Variants in ZC3H11A observed in about 807,000 individuals in gnomAD.
ZC3H11A encodes the protein zinc finger CCCH-type containing 11A.
ZC3H11A carries 22 observed loss-of-function variants against 90.8 expected under a neutral mutation model. That is an observed-to-expected ratio of 0.24 (90% CI 0.17 to 0.35). The LOEUF (loss-of-function observed/expected upper bound fraction) is 0.35, where lower values mean the gene tolerates loss of function less well. Among genes scored for constraint, ZC3H11A ranks in the 10% least tolerant of loss-of-function variants. ZC3H11A has a pLI of 1.00. For synonymous variants in ZC3H11A, 294 were observed against 339.8 expected, an observed-to-expected ratio of 0.87 and a Z score of 1.48; for missense variants, 701 against 964.9, an observed-to-expected ratio of 0.73 and a Z score of 3.62.
chr1:203,824,274 T>TA (rs5780199), intron 4 of ZC3H11A, among the ~76,000 whole-genome samples: 92,969 of 139,786 alleles, frequency 0.67, 30,828 homozygotes, highest in Non-Finnish European at 0.71. Flanking sequence ...ATCTCAAAAT[T>TA]AAAAAAAAAA....
intron 2 of ZC3H11A, among the ~76,000 whole-genome samples, chr1:203,806,830 C>CTTTTTTTTTT (rs373591619): frequency 3.4e-5 from 4 of 117,850 alleles, no homozygotes; most frequent in Non-Finnish European, 5.1e-5. Flanking sequence ...CCTCAGGTTC[C>CTTTTTTTTTT]TTTTTTTTTT....
Position 203,824,274 on chromosome 1 carries a change from T to TAA in ZC3H11A, c.175-4010_175-4009dup, listed in dbSNP as rs5780199. On this transcript the variant is annotated intron_variant, in intron 4 of 17. Coordinates refer to ENST00000367210, the MANE Select transcript of ZC3H11A (RefSeq NM_001376342.1). Reference sequence around the variant, plus strand: ...CACAGTAAGACTCCCATCTCAAAATTAAAAAAAAAAAAAAAAGAGGGAAAA... The same window carrying TAA: ...CACAGTAAGACTCCCATCTCAAAATTAAAAAAAAAAAAAAAAAAGAGGGAAAA... 5.6e-3 allele frequency among the ~76,000 whole-genome samples: 784 copies of TAA among 139,974 alleles called. 6 individuals are homozygous for TAA. Among genetic ancestry groups the TAA allele is most frequent in the Middle Eastern group, 0.034 (9 of 264 alleles). The allele number at this position is 139,974 out of a possible 152,430, so 91.8% of individuals were successfully genotyped here.
In ZC3H11A at chr1:203,838,008, G is replaced by T; in HGVS notation, c.917G>T (p.Arg306Met). Residue 306 changes from arginine (R) to methionine (M), a missense_variant, in exon 11 of 18, where the codon AGG becomes ATG. Arg to Met is a moderately conservative substitution (Grantham distance 91). Around this residue, in one of 4 missense-constraint regions of ZC3H11A, gnomAD observed 530 missense variants for 696.2 expected, o/e 0.76. Coordinates refer to ENST00000367210, the MANE Select transcript of ZC3H11A (RefSeq NM_001376342.1). ...CCATTAAAGCGTAGCCTGGCACAGA[G>T]GCTAGGGAAGAAAGTTGAAGCTCCA... The part of the protein sequence containing the change: ...DPPLKRSLAQ[R>M]LGKKVEAPET... 6.2e-7 allele frequency: 1 copy of T among 1,614,204 alleles called. No individual in the cohort carries two copies. The highest frequency in any genetic ancestry group is 1.1e-5 in the South Asian group (1 of 91,088).
chr1:203,816,188 A>G (rs1455239083), intron 2 of ZC3H11A, among the ~76,000 whole-genome samples: 1 of 152,262 alleles, frequency 6.6e-6, no homozygotes, highest in Admixed American at 6.5e-5. Context: ...TAGATGAAAC[A>G]TTCTACTTTA....
rs1361010124 is a variant in ZC3H11A at position 203,853,683 on chromosome 1, G to A, written c.*1284G>A. The A allele has an allele frequency of 2.0e-5, 3 of 152,618 alleles. No individual in the cohort carries two copies. Among genetic ancestry groups the A allele is most frequent in the South Asian group, 2.1e-4 (1 of 4,826 alleles). The allele number at this position is 152,618 out of a possible 1,614,324, so 9.5% of individuals were successfully genotyped here. ...CTCCTAAGGAACTGCTGTTGTAAGCGGCTCATCAAGAGTTGAACTTCACGT... is the reference window on the plus strand; with the variant it reads ...CTCCTAAGGAACTGCTGTTGTAAGCAGCTCATCAAGAGTTGAACTTCACGT... On this transcript the variant is annotated 3_prime_UTR_variant, in exon 18 of 18. Coordinates refer to ENST00000367210, the MANE Select transcript of ZC3H11A (RefSeq NM_001376342.1).
At chr1:203,828,615 T>C (rs1681305307) in intron 5 of ZC3H11A, among the ~76,000 whole-genome samples, 193 bp downstream of exon 5, 1 of 152,242 alleles carries the variant, frequency 6.6e-6, no homozygotes, top group Non-Finnish European at 1.5e-5. Flanking sequence ...TTATATATCT[T>C]GGCATGCCAT....
chr1:203,821,053 C>CT (rs2102865681), intron 4 of ZC3H11A, among the ~76,000 whole-genome samples: 1 of 152,300 alleles, frequency 6.6e-6, no homozygotes, highest in African/African-American at 2.4e-5. Context: ...AATCTCACCT[C>CT]TATCGTAATC....
chr1:203,850,368 T>G, intron 15 of ZC3H11A, 147 bp from the exon 16 acceptor site: 1 of 1,207,144 alleles, frequency 8.3e-7, no homozygotes, highest in Non-Finnish European at 1.2e-6. Context: ...GACCACAAAT[T>G]GCCTTTGAAT....
At chr1:203,796,573 T>A (rs374174299) in intron 1 of ZC3H11A, 3 of 398,178 alleles carry the variant, frequency 7.5e-6, no homozygotes, top group East Asian at 3.6e-5. Flanking sequence ...AAAGAGGCTG[T>A]GGAACTAGAG....
chr1:203,823,257 C>T (rs1179591278), intron 4 of ZC3H11A, among the ~76,000 whole-genome samples: 1 of 152,202 alleles, frequency 6.6e-6, no homozygotes, highest in African/African-American at 2.4e-5. Context: ...GAAAAAGACA[C>T]TGGAGGAATC....
At chr1:203,817,211 T>C in intron 3 of ZC3H11A, 87 bp downstream of exon 3, 1 of 1,120,834 alleles carries the variant, frequency 8.9e-7, no homozygotes, top group East Asian at 2.8e-5. Context: ...AAGTTGTTTT[T>C]ATTATATATA....
chr1:203,851,729 G>A (rs1274693514), intron 17 of ZC3H11A, among the ~76,000 whole-genome samples: 2 of 152,042 alleles, frequency 1.3e-5, no homozygotes, highest in Non-Finnish European at 1.5e-5. Context: ...TTGGGAGACT[G>A]GGGCTGGAGA....
intron 16 of ZC3H11A, 117 bp from the exon 17 acceptor site, chr1:203,850,940 A>G (rs1447688082): frequency 7.7e-6 from 10 of 1,296,366 alleles, no homozygotes; most frequent in Non-Finnish European, 1.1e-5. Flanking sequence ...ATCGATTCTT[A>G]GATTCACAGG....
Position 203,830,222 on chromosome 1 carries a change from G to T in ZC3H11A, c.700+19G>T. On this transcript the variant is annotated intron_variant, in intron 8 of 17. Transcript: ENST00000367210. Reference sequence around the variant, plus strand: ...CAAGGTGGTAAGTCATCACGTTTTGGCATGGATAGTTGTATGTTGCTAGGG... The same window carrying T: ...CAAGGTGGTAAGTCATCACGTTTTGTCATGGATAGTTGTATGTTGCTAGGG... The T allele has an allele frequency of 6.4e-6, 10 of 1,571,756 alleles. No individual in the cohort carries two copies. Among genetic ancestry groups the T allele is most frequent in the Non-Finnish European group, 6.9e-6 (8 of 1,157,540 alleles).
At chr1:203,798,077 C>G in intron 1 of ZC3H11A, 12 of 1,536,088 alleles carry the variant, frequency 7.8e-6, no homozygotes, top group Non-Finnish European at 9.6e-6. Flanking sequence ...CTCATTGGAC[C>G]AGGGCCAACA....
Position 203,849,967 on chromosome 1 carries a change from T to C in ZC3H11A, c.1880T>C (p.Ile627Thr), listed in dbSNP as rs375770187. 4 of 1,613,990 alleles carry C rather than the reference T, an allele frequency of 2.5e-6. No individual in the cohort carries two copies. Among genetic ancestry groups the C allele is most frequent in the Non-Finnish European group, 2.5e-6 (3 of 1,179,988 alleles). The stretch of plus-strand genomic sequence containing the variant: ...AAGGTGGAGGTAGAAACCTCAGGGA[T>C]TGGAGACTCATTATTGAATGTGAAA... Reference protein sequence around the residue: ...SQKVEVETSGIGDSLLNVKCA... With the variant: ...SQKVEVETSGTGDSLLNVKCA... Residue 627 changes from isoleucine (I) to threonine (T), a missense_variant, in exon 15 of 18, where the codon ATT becomes ACT. Ile to Thr is a moderately conservative substitution (Grantham distance 89). Around this residue, in one of 4 missense-constraint regions of ZC3H11A, gnomAD observed 530 missense variants for 696.2 expected, o/e 0.76. Transcript: ENST00000367210.
intron 2 of ZC3H11A, chr1:203,805,597 A>G (rs1289942990): frequency 3.2e-6 from 2 of 633,996 alleles, no homozygotes; most frequent in Non-Finnish European, 3.1e-6. Flanking sequence ...TATGTTTTAC[A>G]TGATGTACTT....
chr1:203,817,268 A>C, intron 3 of ZC3H11A, 144 bp downstream of exon 3: 1 of 600,538 alleles, frequency 1.7e-6, no homozygotes. Flanking sequence ...TTTAAAGGAT[A>C]ATGTATTTAG....
chr1:203,809,200 G>A (rs1673455209), intron 2 of ZC3H11A, among the ~76,000 whole-genome samples: 1 of 102,248 alleles, frequency 9.8e-6, no homozygotes, highest in African/African-American at 3.8e-5. Context: ...TTTTGAGATG[G>A]AGTCTTGCTT....
Sources: allele counts gnomAD v4.1 joint callset (sites outside exome capture counted in the v4.1 genomes callset), GRCh38; gene constraint gnomAD v4.1.1; regional missense constraint gnomAD v4.1.1; transcripts MANE v1.5; gene names NCBI Gene and HGNC (gene_info 2026-07-23, HGNC 2026-07-21).